Variants in OTC observed in about 807,000 individuals in gnomAD.
OTC encodes ornithine transcarbamylase.
Under a neutral mutation model 30.3 loss-of-function variants are expected in OTC, and 3 were observed. That is an observed-to-expected ratio of 0.10 (90% CI 0.05 to 0.26). The LOEUF is 0.26. Among genes scored for constraint, OTC ranks in the 10% least tolerant of loss-of-function variants. The probability of loss-of-function intolerance (pLI) is 1.00; values close to 1 mark genes in which losing one functional copy is unlikely to be tolerated. For missense variants in OTC, 194 were observed against 260.3 expected, an observed-to-expected ratio of 0.75 and a Z score of 1.75; for synonymous variants, 111 against 99.7, an observed-to-expected ratio of 1.11 and a Z score of -0.67.
chrX:38,400,007 T>A (rs959503844), intron 4 of OTC, among the ~76,000 whole-genome samples: 1 of 111,778 alleles, frequency 8.9e-6, no homozygotes, highest in African/African-American at 3.2e-5. Flanking sequence ...AAGAATTATA[T>A]AGTAAATTTC....
At chrX:38,385,990 G>A (rs1350421024) in intron 4 of OTC, among the ~76,000 whole-genome samples, 3 of 110,260 alleles carry the variant, frequency 2.7e-5, no homozygotes, top group Non-Finnish European at 5.7e-5. Flanking sequence ...GGGAGGCTGA[G>A]GCAGGAGAAT....
At chrX:38,369,578 C>G (rs1307151848) in intron 2 of OTC, among the ~76,000 whole-genome samples, 1 of 105,935 alleles carries the variant, frequency 9.4e-6, no homozygotes, top group Non-Finnish European at 1.9e-5. Context: ...CCAGGCTGGT[C>G]TCGAACTCCT....
chrX:38,329,606 A>G, the OTC span, among the ~76,000 whole-genome samples: 1 of 111,940 alleles, frequency 8.9e-6, no homozygotes, highest in East Asian at 2.8e-4. Flanking sequence ...TGGCAGACGG[A>G]AAATTGAAAG....
At chrX:38,420,879 A>C (rs943305590) in intron 9 of OTC, 144 bp from the exon 10 acceptor site, 20 of 474,279 alleles carry the variant, frequency 4.2e-5, no homozygotes, top group Middle Eastern at 4.0e-4. Flanking sequence ...ATATTAGTTC[A>C]GAACTGTTCT....
At chrX:38,410,379 A>C (rs2068537189) in intron 8 of OTC, among the ~76,000 whole-genome samples, 1 of 111,867 alleles carries the variant, frequency 8.9e-6, no homozygotes, top group Non-Finnish European at 1.9e-5. Flanking sequence ...TTAAAAATGT[A>C]TACTGCTGCA....
chrX:38,414,378 T>G (rs934214757), intron 9 of OTC, among the ~76,000 whole-genome samples: 1 of 112,232 alleles, frequency 8.9e-6, no homozygotes, highest in African/African-American at 3.2e-5. Flanking sequence ...CCACCCATTT[T>G]TCCATCCATC....
chrX:38,353,569 A>G (rs2068227883), intron 1 of OTC, among the ~76,000 whole-genome samples: 1 of 111,579 alleles, frequency 9.0e-6, no homozygotes, highest in Non-Finnish European at 1.9e-5. Context: ...CTTAAGGAAG[A>G]AGCTTTTGGT....
chrX:38,334,658 G>A, the OTC span, among the ~76,000 whole-genome samples: 2 of 112,298 alleles, frequency 1.8e-5, no homozygotes, highest in African/African-American at 6.5e-5. Context: ...ATATTGTAAA[G>A]CATACACAAA....
intron 4 of OTC, among the ~76,000 whole-genome samples, chrX:38,384,994 G>C (rs1031291320): frequency 1.8e-5 from 2 of 111,569 alleles, no homozygotes. Context: ...GCTGGGTGCG[G>C]TGGCTCACGT....
At position 38,408,884 on chromosome X, in the gene OTC, C is replaced by T. The variant is rs2147345076; in HGVS notation, c.726C>T (p.Thr242=). The T allele has an allele frequency of 8.3e-7, 1 of 1,209,981 alleles. No individual in the cohort carries two copies. The highest frequency in any genetic ancestry group is 1.1e-6 in the Non-Finnish European group (1 of 894,570). ...LAEQYAKENG[T]KLLLTNDPLE... Reference sequence around the variant, plus strand: ...GTGTTTATGTATGCTAGAATGGTACCAAGCTGTTGCTGACAAATGATCCAT... The same window carrying T: ...GTGTTTATGTATGCTAGAATGGTACTAAGCTGTTGCTGACAAATGATCCAT... The change falls in exon 8 of 10, where the codon ACC becomes ACT. Residue 242 remains threonine, a synonymous_variant. Transcript: ENST00000039007.
At chrX:38,388,518 ACT>A (rs1238080733) in intron 4 of OTC, among the ~76,000 whole-genome samples, 1 of 109,887 alleles carries the variant, frequency 9.1e-6, no homozygotes, top group African/African-American at 3.3e-5. Flanking sequence ...GACTCAGATC[ACT>A]GATTTTTTAG....
intron 3 of OTC, among the ~76,000 whole-genome samples, chrX:38,375,091 T>C (rs2068339915): frequency 8.9e-6 from 1 of 112,155 alleles, no homozygotes; most frequent in African/African-American, 3.2e-5. Context: ...TGCCAGGTTT[T>C]ATTCTAGGTG....
intron 3 of OTC, among the ~76,000 whole-genome samples, chrX:38,378,116 G>A (rs763176043): frequency 1.9e-5 from 2 of 105,329 alleles, no homozygotes; most frequent in Non-Finnish European, 3.9e-5. Context: ...GATTACAGGC[G>A]TGAGCCACCG....
Position 38,352,674 on chromosome X carries a change from G to C in OTC, c.-23G>C. 1 of 1,152,505 alleles carries C rather than the reference G, an allele frequency of 8.7e-7. No homozygotes were observed. Among genetic ancestry groups the C allele is most frequent in the Non-Finnish European group, 1.2e-6 (1 of 841,957 alleles). The allele number at this position is 1,152,505 out of a possible 1,213,427, so 95.0% of individuals were successfully genotyped here. ...GTGGAGTTTTCAAGGGCATAGAATC[G>C]TCCTTTACACAATTAAAAGAAGATG... On this transcript the variant is annotated 5_prime_UTR_variant, in exon 1 of 10. Coordinates refer to ENST00000039007, the MANE Select transcript of OTC (RefSeq NM_000531.6).
At chrX:38,387,137 T>A (rs185036721) in intron 4 of OTC, among the ~76,000 whole-genome samples, 1,227 of 112,268 alleles carry the variant, frequency 0.011, 9 homozygotes, top group South Asian at 0.039. Flanking sequence ...CCTATTTTTT[T>A]AATTTTGACT....
chrX:38,362,298 C>T (rs756984130), intron 1 of OTC, among the ~76,000 whole-genome samples: 56 of 111,240 alleles, frequency 5.0e-4, no homozygotes, highest in African/African-American at 1.8e-3. Context: ...GATCTTACTG[C>T]AAAACCAAAC....
chrX:38,386,899 AT>A (rs1001363428), intron 4 of OTC, among the ~76,000 whole-genome samples: 1 of 112,185 alleles, frequency 8.9e-6, no homozygotes, highest in Non-Finnish European at 1.9e-5. Flanking sequence ...TGGTGGCACC[AT>A]TTTACATCAC....
the OTC span, among the ~76,000 whole-genome samples, chrX:38,333,342 A>T: frequency 1.5e-3 from 166 of 111,844 alleles, 3 homozygotes; most frequent in Admixed American, 0.015. Context: ...GAGGCTGGGA[A>T]ATGTGGGAGA....
the OTC span, among the ~76,000 whole-genome samples, chrX:38,328,850 A>G: frequency 1.8e-5 from 2 of 111,811 alleles, no homozygotes; most frequent in Non-Finnish European, 3.8e-5. Context: ...AGTACAGTTC[A>G]TTGGTGCCAG....
Sources: allele counts gnomAD v4.1 joint callset (sites outside exome capture counted in the v4.1 genomes callset), GRCh38; gene constraint gnomAD v4.1.1; transcripts MANE v1.5; gene names NCBI Gene and HGNC (gene_info 2026-07-23, HGNC 2026-07-21).